The following ARID5A variants were observed in gnomAD, a reference collection of about 807,000 sequenced individuals.
ARID5A encodes AT-rich interactive domain-containing protein 5A.
Under a neutral mutation model 30.5 loss-of-function variants are expected in ARID5A, and 14 were observed. The observed-to-expected ratio is 0.46, with a 90% CI of 0.30 to 0.72. ARID5A has a LOEUF of 0.72. ARID5A is among the 30% of genes least tolerant of loss of function. The pLI, the probability that ARID5A is intolerant of heterozygous loss-of-function variation, is 0.07. For missense variants in ARID5A, 669 were observed against 786.2 expected, an observed-to-expected ratio of 0.85 and a Z score of 1.78; for synonymous variants, 338 against 340.4, an observed-to-expected ratio of 0.99 and a Z score of 0.08.
Position 96,552,376 on chromosome 2 carries a change from T to C in ARID5A, c.*63T>C. On this transcript the variant is annotated 3_prime_UTR_variant, in exon 7 of 7. Transcript: ENST00000357485. ...GGGGCCTACAACAGGCAGGTACTGC[T>C]GCCAGGGGGCTCTGAACTAGTGCCT... 6.2e-7 allele frequency: 1 copy of C among 1,605,686 alleles called. No individual in the cohort carries two copies. The highest frequency in any genetic ancestry group is 8.5e-7 in the Non-Finnish European group (1 of 1,176,982).
intron 1 of ARID5A, among the ~76,000 whole-genome samples, chr2:96,546,431 A>G (rs768741036): frequency 1.3e-5 from 2 of 152,244 alleles, no homozygotes; most frequent in African/African-American, 2.4e-5. Context: ...GCGTTTTTGC[A>G]ACCATCAGCA....
Position 96,551,360 on chromosome 2 carries a change from G to A in ARID5A, c.832G>A (p.Glu278Lys), listed in dbSNP as rs1023898738. The change falls in exon 7 of 7, where the codon GAG becomes AAG. Residue 278 changes from glutamate to lysine, a missense_variant. Coordinates refer to ENST00000357485, the MANE Select transcript of ARID5A (RefSeq NM_212481.3). ...SKVEALQCQE[E>K]GCRHGAEPQA... ...GGTGGAGGCCTTGCAGTGCCAGGAG[G>A]AGGGCTGCCGCCATGGGGCAGAGCC... 1.2e-6 allele frequency: 2 copies of A among 1,612,640 alleles called. No individual in the cohort carries two copies. The highest frequency in any genetic ancestry group is 4.5e-5 in the East Asian group (2 of 44,878).
At chr2:96,547,843 G>A (rs2065956346) in intron 2 of ARID5A, among the ~76,000 whole-genome samples, 2 of 152,226 alleles carry the variant, frequency 1.3e-5, no homozygotes, top group Admixed American at 1.3e-4. Flanking sequence ...GTCACTCGGT[G>A]AGACCAGCAA....
chr2:96,547,853 A>G (rs968903430), intron 2 of ARID5A, among the ~76,000 whole-genome samples: 1 of 152,366 alleles, frequency 6.6e-6, no homozygotes, highest in Non-Finnish European at 1.5e-5. Context: ...GAGACCAGCA[A>G]GACTGTTTCG....
intron 1 of ARID5A, among the ~76,000 whole-genome samples, chr2:96,545,472 G>A (rs1004138619): frequency 1.3e-5 from 2 of 152,076 alleles, no homozygotes; most frequent in African/African-American, 4.8e-5. Flanking sequence ...GGCTTCTTGA[G>A]GTGGAATCTA....
chr2:96,548,553 A>C (rs1371300180), intron 2 of ARID5A, among the ~76,000 whole-genome samples: 1 of 152,192 alleles, frequency 6.6e-6, no homozygotes, highest in East Asian at 1.9e-4. Flanking sequence ...TACAGGAGTG[A>C]GCCACCGTGC....
At position 96,551,851 on chromosome 2, in the gene ARID5A, G is replaced by A. The variant is rs1319509088; in HGVS notation, c.1323G>A (p.Leu441=). The A allele has an allele frequency of 1.3e-6, 2 of 1,597,190 alleles. No homozygotes were observed. Among genetic ancestry groups the A allele is most frequent in the Non-Finnish European group, 1.7e-6 (2 of 1,172,860 alleles). The part of the protein sequence containing the change: ...LPPTFPSSPG[L]GSKRSLEEEG... Reference sequence around the variant, plus strand: ...CCACCTTCCCCAGTAGCCCAGGCCTGGGCAGCAAGCGCAGCCTGGAGGAAG... The same window carrying A: ...CCACCTTCCCCAGTAGCCCAGGCCTAGGCAGCAAGCGCAGCCTGGAGGAAG... The change falls in exon 7 of 7, where the codon CTG becomes CTA. Residue 441 remains leucine (L), a synonymous_variant. Transcript: ENST00000357485.
At chr2:96,545,661 TGAAAG>T (rs1377089144) in intron 1 of ARID5A, among the ~76,000 whole-genome samples, 1 of 151,958 alleles carries the variant, frequency 6.6e-6, no homozygotes, top group African/African-American at 2.4e-5. Context: ...AAGTCTTTCA[TGAAAG>T]GAAGAGTTGC....
chr2:96,551,819 C>T lies in ARID5A; in HGVS notation c.1291C>T (p.Leu431Phe), dbSNP rs752970311. The T allele has an allele frequency of 3.1e-6, 5 of 1,595,694 alleles. 1 individual carries two copies. The South Asian group carries it at 4.5e-5, about 14-fold the overall frequency. The change falls in exon 7 of 7, where the codon CTC becomes TTC. Residue 431 changes from leucine to phenylalanine, a missense_variant. By Grantham distance (22) the Leu-to-Phe change is conservative (BLOSUM62 0). Coordinates refer to ENST00000357485, the MANE Select transcript of ARID5A (RefSeq NM_212481.3). The stretch of plus-strand genomic sequence containing the variant: ...CAAGGTCCCAGCCGAGAGCCCCACG[C>T]TCCCGCCCACCTTCCCCAGTAGCCC... ...MAKVPAESPT[L>F]PPTFPSSPGL...
At position 96,551,986 on chromosome 2, in the gene ARID5A, C is replaced by A; in HGVS notation, c.1458C>A (p.Cys486Ter). The part of the protein sequence containing the change: ...AKPAGSGLVS[C>*]LLGPALGPVP... ...CTGCAGGGTCCGGCCTGGTCTCCTG[C>A]CTTCTGGGCCCAGCCCTGGGGCCTG... is the stretch of plus-strand genomic sequence containing the variant. Residue 486 changes from cysteine (C) to a stop codon, truncating the protein, a stop_gained, in exon 7 of 7, where the codon TGC becomes TGA. Coordinates refer to ENST00000357485, the MANE Select transcript of ARID5A (RefSeq NM_212481.3). LOFTEE classifies it high-confidence loss of function. 1 of 1,518,462 alleles carries A rather than the reference C, an allele frequency of 6.6e-7. No homozygotes were observed. Among genetic ancestry groups the A allele is most frequent in the South Asian group, 1.3e-5 (1 of 75,798 alleles). 94.1% of individuals were successfully genotyped at this position (1,518,462 alleles called of 1,614,324 possible).
chr2:96,552,095 G>A lies in ARID5A; in HGVS notation c.1567G>A (p.Ala523Thr), dbSNP rs754460873. 6.2e-7 allele frequency: 1 copy of A among 1,602,380 alleles called. No homozygotes were observed. The highest frequency in any genetic ancestry group is 8.5e-7 in the Non-Finnish European group (1 of 1,174,212). The change falls in exon 7 of 7, where the codon GCA (alanine) becomes ACA (threonine). Residue 523 changes from alanine to threonine, a missense_variant. By Grantham distance (58) the Ala-to-Thr change is moderately conservative. Coordinates refer to ENST00000357485, the MANE Select transcript of ARID5A (RefSeq NM_212481.3). ...GTPGPLKGQA[A>T]LPFSPLVIPA... ...CCCGGGCCCCTTGAAGGGCCAGGCT[G>A]CACTCCCCTTCAGCCCCCTGGTCAT...
intron 1 of ARID5A, among the ~76,000 whole-genome samples, chr2:96,546,348 T>C (rs1274721511): frequency 6.6e-6 from 1 of 152,258 alleles, no homozygotes; most frequent in Non-Finnish European, 1.5e-5. Flanking sequence ...CCTGGTCTGG[T>C]ATCTGCTGCC....
At chr2:96,541,812 T>C (rs994766283) in intron 1 of ARID5A, among the ~76,000 whole-genome samples, 8 of 152,248 alleles carry the variant, frequency 5.3e-5, no homozygotes, top group Non-Finnish European at 8.8e-5. Flanking sequence ...TGTAAGGCAT[T>C]GTGCCAGAAA....
chr2:96,544,191 C>A (rs1448355112), intron 1 of ARID5A, among the ~76,000 whole-genome samples: 1 of 152,226 alleles, frequency 6.6e-6, no homozygotes, highest in Non-Finnish European at 1.5e-5. Flanking sequence ...CATAAAAGTG[C>A]AAGGCGAATC....
At position 96,551,163 on chromosome 2, in the gene ARID5A, C is replaced by A; in HGVS notation, c.635C>A (p.Pro212His). 6.2e-7 allele frequency: 1 copy of A among 1,613,914 alleles called. No individual in the cohort carries two copies. Among genetic ancestry groups the A allele is most frequent in the Non-Finnish European group, 8.5e-7 (1 of 1,179,966 alleles). Residue 212 changes from proline (P) to histidine (H), a missense_variant, in exon 7 of 7, where the codon CCC (proline) becomes CAC (histidine). Transcript: ENST00000357485. ...DPAPLPSQEP[P>H]RNSTEQQGLA... ...GCACCACTTCCCAGCCAGGAGCCCCCCAGGAACAGCACAGAACAGCAGGGC... is the reference window on the plus strand; with the variant it reads ...GCACCACTTCCCAGCCAGGAGCCCCACAGGAACAGCACAGAACAGCAGGGC...
At chr2:96,546,162 G>A (rs1428107140) in intron 1 of ARID5A, among the ~76,000 whole-genome samples, 1 of 152,146 alleles carries the variant, frequency 6.6e-6, no homozygotes, top group Admixed American at 6.5e-5. Flanking sequence ...ACTGGCCCCT[G>A]GCTTACGCTG....
At position 96,544,849 on chromosome 2, in the gene ARID5A, G is replaced by A. The variant is rs558533409; in HGVS notation, c.5-2553G>A. On this transcript the variant is annotated intron_variant, in intron 1 of 6. Transcript: ENST00000357485. ...TGGGCAAAATACATTGAAAACCTCCGGAGAGCATTTCAGGTACATTTGTGG... is the reference window on the plus strand; with the variant it reads ...TGGGCAAAATACATTGAAAACCTCCAGAGAGCATTTCAGGTACATTTGTGG... 9.2e-5 allele frequency among the ~76,000 whole-genome samples: 14 copies of A among 152,266 alleles called. No homozygotes were observed. In the East Asian group the frequency reaches 2.1e-3, roughly 23 times the overall value.
In ARID5A at chr2:96,537,930, G is replaced by A. The variant is rs954626885; in HGVS notation, c.4+1100G>A. On this transcript the variant is annotated intron_variant, in intron 1 of 6. Transcript: ENST00000357485. The surrounding 1 kb of genome is among the most constrained non-coding windows in gnomAD (Gnocchi z 4.8). Reference sequence around the variant, plus strand: ...CGGGCCCCAGGGGAGGACAACAGGTGCCTCTTGCCCCACCCGGGCTCCTCT... The same window carrying A: ...CGGGCCCCAGGGGAGGACAACAGGTACCTCTTGCCCCACCCGGGCTCCTCT... 3.8e-5 allele frequency: 37 copies of A among 985,420 alleles called. No individual in the cohort carries two copies. Among genetic ancestry groups the A allele is most frequent in the Non-Finnish European group, 4.5e-5 (37 of 830,024 alleles). The allele number at this position is 985,420 out of a possible 1,614,324, so 61.0% of individuals were successfully genotyped here.
Position 96,536,781 on chromosome 2 carries a change from G to A in ARID5A, c.-46G>A, listed in dbSNP as rs577923454. ...CAGAGAGCGCGGGGTCCGGACAGCC[G>A]CGCGCTGAGGGTCTCGGGGCGGGCG... On this transcript the variant is annotated 5_prime_UTR_variant, in exon 1 of 7. Coordinates refer to ENST00000357485, the MANE Select transcript of ARID5A (RefSeq NM_212481.3). 397 of 1,131,832 alleles carry A rather than the reference G, an allele frequency of 3.5e-4. 4 individuals are homozygous for A. In the South Asian group the frequency reaches 0.015, roughly 43 times the overall value. 70.1% of individuals were successfully genotyped at this position (1,131,832 alleles called of 1,614,324 possible).
Sources: allele counts gnomAD v4.1 joint callset (sites outside exome capture counted in the v4.1 genomes callset), GRCh38; gene constraint gnomAD v4.1.1; non-coding constraint Gnocchi (gnomAD v3.1); transcripts MANE v1.5; gene names NCBI Gene and HGNC (gene_info 2026-07-23, HGNC 2026-07-21).